Variants in USP29 observed in about 807,000 individuals in gnomAD.
USP29 encodes the protein ubiquitin specific peptidase 29.
For missense variants in USP29, 1,102 were observed against 1,069.0 expected, an observed-to-expected ratio of 1.03 and a Z score of -0.43; for synonymous variants, 386 against 387.4, an observed-to-expected ratio of 1.00 and a Z score of 0.04.
At position 57,122,307 on chromosome 19, in the gene USP29, T is replaced by G. The variant is rs1472302979; in HGVS notation, c.-267-18T>G. 1 of 151,994 alleles carries G rather than the reference T, an allele frequency of 6.6e-6. No individual in the cohort carries two copies. Among genetic ancestry groups the G allele is most frequent in the Non-Finnish European group, 1.5e-5 (1 of 68,012 alleles). 9.4% of individuals were successfully genotyped at this position (151,994 alleles called of 1,614,324 possible). On this transcript the variant is annotated intron_variant, in intron 1 of 3. Transcript: ENST00000254181. Reference sequence around the variant, plus strand: ...ATCATAATCACTGTCAGACTCAACTTCCATCATTCTCCTCCAGGCGCTATG... The same window carrying G: ...ATCATAATCACTGTCAGACTCAACTGCCATCATTCTCCTCCAGGCGCTATG...
chr19:57,124,389 C>T (rs1490132369), intron 3 of USP29, among the ~76,000 whole-genome samples: 1 of 150,482 alleles, frequency 6.6e-6, no homozygotes, highest in Non-Finnish European at 1.5e-5. Context: ...TGTCTCTCTC[C>T]CCACCTCGGT....
intron 1 of USP29, among the ~76,000 whole-genome samples, chr19:57,121,885 G>A (rs998662736): frequency 3.3e-5 from 5 of 151,604 alleles, no homozygotes; most frequent in African/African-American, 9.7e-5. Context: ...AGGCTGAGGC[G>A]GGTGGATTAC....
In USP29 at chr19:57,129,453, C is replaced by G; in HGVS notation, c.778C>G (p.Pro260Ala). The G allele has an allele frequency of 6.2e-7, 1 of 1,614,190 alleles. No homozygotes were observed. Among genetic ancestry groups the G allele is most frequent in the Non-Finnish European group, 8.5e-7 (1 of 1,180,032 alleles). Residue 260 changes from proline (P) to alanine (A), a missense_variant, in exon 4 of 4, where the codon CCA becomes GCA. Transcript: ENST00000254181. ...AKNGLTSPLE[P>A]EHSQGDPRCN... Reference sequence around the variant, plus strand: ...AAATGGTTTGACATCTCCATTGGAACCAGAGCACAGCCAGGGTGACCCAAG... The same window carrying G: ...AAATGGTTTGACATCTCCATTGGAAGCAGAGCACAGCCAGGGTGACCCAAG...
At chr19:57,122,541 G>GTGTGTA (rs1555754423) in intron 2 of USP29, 67 bp downstream of exon 2, 2 of 152,058 alleles carry the variant, frequency 1.3e-5, no homozygotes, top group Non-Finnish European at 2.9e-5. Flanking sequence ...GTGTGTGTGT[G>GTGTGTA]TGTGTGTGTG....
At position 57,129,339 on chromosome 19, in the gene USP29, T is replaced by TTGAAACTCGGGCCTTCATTCA; in HGVS notation, c.665_685dup (p.Phe228_Asn229insMetLysLeuGlyProSerPhe). ...AGAGGATTTAGAAAAAGATAGAGAT[T>TTGAAACTCGGGCCTTCATTCA]TGAAACTCGGGCCTTCATTCAATAC... On this transcript the variant is annotated inframe_insertion, in exon 4 of 4. Transcript: ENST00000254181. 6.2e-7 allele frequency: 1 copy of TTGAAACTCGGGCCTTCATTCA among 1,614,160 alleles called. No homozygotes were observed. The highest frequency in any genetic ancestry group is 2.2e-5 in the East Asian group (1 of 44,882).
chr19:57,129,853 C>A lies in USP29; in HGVS notation c.1178C>A (p.Ala393Asp). 3 of 1,614,050 alleles carry A rather than the reference C, an allele frequency of 1.9e-6. No homozygotes were observed. The highest frequency in any genetic ancestry group is 2.5e-6 in the Non-Finnish European group (3 of 1,180,004). The change falls in exon 4 of 4, where the codon GCC becomes GAC. Residue 393 changes from alanine to aspartate, a missense_variant. Physicochemically the swap from Ala to Asp is moderately radical, Grantham distance 126 (BLOSUM62 -2). Transcript: ENST00000254181. Reference sequence around the variant, plus strand: ...AAAGAAGACATGGAAAAATTAAATGCCACTTTGAATACTGGGAAAGAATGT... The same window carrying A: ...AAAGAAGACATGGAAAAATTAAATGACACTTTGAATACTGGGAAAGAATGT... ...QLKEDMEKLN[A>D]TLNTGKECGD...
Position 57,130,183 on chromosome 19 carries a change from T to C in USP29, c.1508T>C (p.Leu503Pro). ...SCVARHTFSR[L>P]SRVLIIHLKR... ...GTTGCAAGGCATACATTTAGTAGGC[T>C]CTCCAGGGTCCTTATCATTCATCTG... The change falls in exon 4 of 4, where the codon CTC becomes CCC. Residue 503 changes from leucine (L) to proline (P), a missense_variant. Coordinates refer to ENST00000254181, the MANE Select transcript of USP29 (RefSeq NM_020903.3). 3 of 1,614,022 alleles carry C rather than the reference T, an allele frequency of 1.9e-6. No homozygotes were observed.
upstream of USP29, among the ~76,000 whole-genome samples, chr19:57,119,540 A>T (rs1417268834): frequency 6.6e-6 from 1 of 152,138 alleles, no homozygotes; most frequent in Non-Finnish European, 1.5e-5. Flanking sequence ...CTCCTGCCTC[A>T]GCCTCCCGAG....
intron 2 of USP29, among the ~76,000 whole-genome samples, chr19:57,122,757 G>C (rs1452927439): frequency 6.6e-6 from 1 of 152,050 alleles, no homozygotes; most frequent in Non-Finnish European, 1.5e-5. Flanking sequence ...TTTCAGAAAA[G>C]AGCATGCATC....
intron 3 of USP29, among the ~76,000 whole-genome samples, chr19:57,128,292 T>G (rs1261615600): frequency 6.6e-6 from 1 of 152,188 alleles, no homozygotes; most frequent in Non-Finnish European, 1.5e-5. Flanking sequence ...ATGCTGGTTT[T>G]GAACTCCTGG....
chr19:57,128,965 T>A lies in USP29; in HGVS notation c.290T>A (p.Met97Lys), dbSNP rs142418737. ...TACAGAGATGCTAAACAGTTGAATA[T>A]GTTCCTGGACATAATCCACCAAAAC... ...LSYRDAKQLN[M>K]FLDIIHQNKS... Residue 97 changes from methionine to lysine, a missense_variant, in exon 4 of 4, where the codon ATG (methionine) becomes AAG (lysine). By Grantham distance (95) the Met-to-Lys change is moderately conservative. Transcript: ENST00000254181. The A allele has an allele frequency of 1.2e-6, 2 of 1,614,154 alleles. No individual in the cohort carries two copies. Among genetic ancestry groups the A allele is most frequent in the East Asian group, 4.5e-5 (2 of 44,854 alleles).
rs753993521 is a variant in USP29, at chr19:57,128,969, C to CCTGGACA, written c.295_301dup (p.Ile101ThrfsTer16). 1 of 1,614,056 alleles carries CCTGGACA rather than the reference C, an allele frequency of 6.2e-7. No individual in the cohort carries two copies. Among genetic ancestry groups the CCTGGACA allele is most frequent in the Non-Finnish European group, 8.5e-7 (1 of 1,179,986 alleles). ...GAGATGCTAAACAGTTGAATATGTTCCTGGACATAATCCACCAAAACAAAT... is the reference window on the plus strand; with the variant it reads ...GAGATGCTAAACAGTTGAATATGTTCCTGGACACTGGACATAATCCACCAAAACAAAT... On this transcript the variant is annotated frameshift_variant, in exon 4 of 4. Transcript: ENST00000254181. LOFTEE classifies it low-confidence loss of function (END_TRUNC).
Position 57,129,681 on chromosome 19 carries a change from C to A in USP29, c.1006C>A (p.Leu336Ile). The A allele has an allele frequency of 6.2e-7, 1 of 1,614,054 alleles. No individual in the cohort carries two copies. The highest frequency in any genetic ancestry group is 1.3e-5 in the African/African-American group (1 of 75,022). ...EALIMTLTQL[L>I]ALKDFCSTKI... Reference sequence around the variant, plus strand: ...TCTTATTATGACCTTGACCCAGCTGCTTGCTTTGAAAGATTTCTGTAGTAC... The same window carrying A: ...TCTTATTATGACCTTGACCCAGCTGATTGCTTTGAAAGATTTCTGTAGTAC... Residue 336 changes from leucine (L) to isoleucine (I), a missense_variant, in exon 4 of 4, where the codon CTT (leucine) becomes ATT (isoleucine). By Grantham distance (5) the Leu-to-Ile change is conservative (BLOSUM62 2). Coordinates refer to ENST00000254181, the MANE Select transcript of USP29 (RefSeq NM_020903.3).
upstream of USP29, chr19:57,119,901 C>G (rs2086784522): frequency 6.6e-6 from 1 of 152,362 alleles, no homozygotes; most frequent in Non-Finnish European, 1.5e-5. Context: ...CTATGTGCCC[C>G]GGCCACGCTA....
rs766996452 is a variant in USP29 at position 57,129,997 on chromosome 19, GT to G, written c.1323del (p.Cys441TrpfsTer8). 6.2e-7 allele frequency: 1 copy of G among 1,614,146 alleles called. No individual in the cohort carries two copies. Among genetic ancestry groups the G allele is most frequent in the South Asian group, 1.1e-5 (1 of 91,082 alleles). ...CAGCTCTCCCTTATTTGTAAAGCTT[GT>G]GGTCATGCTGTTCTCAAGGTAGAAC... ...ELQLSLICKACGHAVLKVEPN... is the reference protein window; with the variant it reads ...ELQLSLICKAXGHAVLKVEPN... On this transcript the variant is annotated frameshift_variant, in exon 4 of 4. Transcript: ENST00000254181. LOFTEE classifies it low-confidence loss of function (END_TRUNC).
rs1479438502 is a variant in USP29 at position 57,128,499 on chromosome 19, G to T, written c.-16-161G>T. The T allele has an allele frequency of 4.4e-6, 3 of 687,688 alleles. No homozygotes were observed. The African/African-American group carries it at 5.6e-5, about 13-fold the overall frequency. 42.6% of individuals were successfully genotyped at this position (687,688 alleles called of 1,614,324 possible). A position where few individuals can be genotyped will look rare whatever the true frequency, so the allele number is the denominator to read the frequency against. ...TGTGCCTCAGTCTATGTCTTCTGGA[G>T]AACTGGCACAGCTTCAGAATATTAG... On this transcript the variant is annotated intron_variant, in intron 3 of 3. Coordinates refer to ENST00000254181, the MANE Select transcript of USP29 (RefSeq NM_020903.3).
At position 57,130,844 on chromosome 19, in the gene USP29, T is replaced by C; in HGVS notation, c.2169T>C (p.Ile723=). ...NGFYDCKENR[I]PEGSQGMAEQ... ...TTTATGACTGTAAAGAAAACAGGATTCCAGAAGGATCTCAAGGAATGGCTG... is the reference window on the plus strand; with the variant it reads ...TTTATGACTGTAAAGAAAACAGGATCCCAGAAGGATCTCAAGGAATGGCTG... Residue 723 remains isoleucine, a synonymous_variant, in exon 4 of 4, where the codon ATT becomes ATC. Coordinates refer to ENST00000254181, the MANE Select transcript of USP29 (RefSeq NM_020903.3). 6.2e-7 allele frequency: 1 copy of C among 1,614,190 alleles called. No homozygotes were observed. Among genetic ancestry groups the C allele is most frequent in the Non-Finnish European group, 8.5e-7 (1 of 1,180,034 alleles).
chr19:57,121,374 T>A (rs1232808072), intron 1 of USP29, among the ~76,000 whole-genome samples: 1 of 145,178 alleles, frequency 6.9e-6, no homozygotes, highest in Non-Finnish European at 1.5e-5. Context: ...TGTTATATAC[T>A]TATATATGTT....
chr19:57,128,420 C>G (rs1298885906), intron 3 of USP29, among the ~76,000 whole-genome samples: 18 of 152,158 alleles, frequency 1.2e-4, no homozygotes, highest in Non-Finnish European at 2.6e-4. Flanking sequence ...CTGTTCATAT[C>G]TCTGTTGGCC....
Sources: gnomAD v4.1 joint callset for allele counts (sites outside exome capture counted in the v4.1 genomes callset) on GRCh38, gnomAD v4.1.1 for gene constraint, MANE v1.5 for transcripts, NCBI Gene and HGNC (gene_info 2026-07-23, HGNC 2026-07-21) for gene names.